The following TNKS variants were observed in gnomAD, a reference collection of about 807,000 sequenced individuals.
The protein encoded by TNKS is tankyrase.
A neutral mutation model predicts 135.8 loss-of-function variants in TNKS; 72 were observed. The observed-to-expected ratio is 0.53, with a 90% CI of 0.44 to 0.64. The LOEUF is 0.64. Among genes scored for constraint, TNKS ranks in the 30% least tolerant of loss-of-function variants. The probability of loss-of-function intolerance (pLI) is 0.00; values close to 1 mark genes in which losing one functional copy is unlikely to be tolerated. For synonymous variants in TNKS, 849 were observed against 649.3 expected (o/e 1.31, Z -4.68); for missense variants, 1,769 against 1,674.0 (o/e 1.06, Z -0.99).
intron 17 of TNKS, chr8:9,741,561 C>T: frequency 3.7e-6 from 1 of 270,906 alleles, no homozygotes; most frequent in Non-Finnish European, 8.4e-6. Flanking sequence ...AAGATGTGTT[C>T]TACTGCATTA....
At chr8:9,771,262 TGAGG>T (rs772804553) in intron 26 of TNKS, among the ~76,000 whole-genome samples, 16 of 48,430 alleles carry the variant, frequency 3.3e-4, no homozygotes, top group Non-Finnish European at 5.7e-4. Context: ...AGGAAGGAAG[TGAGG>T]GAGGAAGAGA....
intron 3 of TNKS, among the ~76,000 whole-genome samples, chr8:9,616,970 C>G (rs762655714): frequency 1.2e-4 from 18 of 152,244 alleles, no homozygotes; most frequent in Middle Eastern, 3.4e-3. Context: ...AAATACAGTG[C>G]ATAGTAACAG....
chr8:9,698,405 A>G (rs1803630900), intron 5 of TNKS, among the ~76,000 whole-genome samples: 1 of 149,614 alleles, frequency 6.7e-6, no homozygotes, highest in Non-Finnish European at 1.5e-5. Flanking sequence ...TAAGTATATA[A>G]GCAACTTAAT....
chr8:9,702,467 A>C (rs1213955418), intron 5 of TNKS, among the ~76,000 whole-genome samples: 1 of 152,188 alleles, frequency 6.6e-6, no homozygotes, highest in Non-Finnish European at 1.5e-5. Context: ...AGGGTAACAG[A>C]TTTCTAGGCT....
In TNKS at chr8:9,781,646, A is replaced by G. The variant is rs888021168; in HGVS notation, c.*4910A>G. ...TGTTTGTCTTTGATACCTACAAACT[A>G]AAAAGGTACTTTTATCAAGGTTTCT... On this transcript the variant is annotated 3_prime_UTR_variant, in exon 27 of 27. Coordinates refer to ENST00000310430, the MANE Select transcript of TNKS (RefSeq NM_003747.3). 1.3e-5 allele frequency: 2 copies of G among 152,672 alleles called. No individual in the cohort carries two copies. The highest frequency in any genetic ancestry group is 1.3e-4 in the Admixed American group (2 of 15,286). 9.5% of individuals were successfully genotyped at this position (152,672 alleles called of 1,614,324 possible).
chr8:9,689,463 C>A (rs929535671), intron 5 of TNKS, among the ~76,000 whole-genome samples: 9 of 151,890 alleles, frequency 5.9e-5, no homozygotes, highest in African/African-American at 2.2e-4. Flanking sequence ...CAGACCAATT[C>A]TAAATATAAA....
rs563848808 is a variant in TNKS at position 9,556,136 on chromosome 8, C to T, written c.197C>T (p.Pro66Leu). ...TCCCCGCGGCACGGCCTAGCGCTGCCGGAGGGGGATGGCAGTCGGGATCCG... is the reference window on the plus strand; with the variant it reads ...TCCCCGCGGCACGGCCTAGCGCTGCTGGAGGGGGATGGCAGTCGGGATCCG... ...FASPRHGLAL[P>L]EGDGSRDPPD... The change falls in exon 1 of 27, where the codon CCG becomes CTG. Residue 66 changes from proline (P) to leucine (L), a missense_variant. Physicochemically the swap from Pro to Leu is moderately conservative, Grantham distance 98. Transcript: ENST00000310430. 3 of 1,606,756 alleles carry T rather than the reference C, an allele frequency of 1.9e-6. No homozygotes were observed. Among genetic ancestry groups the T allele is most frequent in the Admixed American group, 3.3e-5 (2 of 59,734 alleles).
At chr8:9,694,740 C>T (rs1036948249) in intron 5 of TNKS, among the ~76,000 whole-genome samples, 2 of 133,842 alleles carry the variant, frequency 1.5e-5, no homozygotes, top group African/African-American at 5.7e-5. Context: ...CCAGCCTGGG[C>T]AACAGAGCGA....
chr8:9,588,818 C>G (rs1471186337), intron 2 of TNKS, among the ~76,000 whole-genome samples: 1 of 152,116 alleles, frequency 6.6e-6, no homozygotes, highest in South Asian at 2.1e-4. Flanking sequence ...CTCTAATGAG[C>G]TGCTTGGCCT....
intron 5 of TNKS, among the ~76,000 whole-genome samples, chr8:9,683,296 T>G (rs1433425483): frequency 2.0e-5 from 3 of 152,064 alleles, no homozygotes; most frequent in African/African-American, 4.8e-5. Context: ...GCTGCTAAAA[T>G]TACAAGTATC....
chr8:9,712,361 T>C (rs142183607), intron 11 of TNKS, among the ~76,000 whole-genome samples: 182 of 151,820 alleles, frequency 1.2e-3, no homozygotes, highest in African/African-American at 4.2e-3. Flanking sequence ...GCACCTATAG[T>C]CCTAGCGACT....
chr8:9,698,563 C>T (rs971434958), intron 5 of TNKS, among the ~76,000 whole-genome samples: 9 of 151,950 alleles, frequency 5.9e-5, no homozygotes, highest in South Asian at 2.1e-4. Flanking sequence ...GTTGGAAGCC[C>T]GGACGCAGAG....
At chr8:9,599,889 C>T (rs1302721726) in intron 2 of TNKS, among the ~76,000 whole-genome samples, 3 of 151,968 alleles carry the variant, frequency 2.0e-5, no homozygotes, top group Admixed American at 6.6e-5. Flanking sequence ...AAATTTCATG[C>T]CAGAGTTTGT....
Position 9,615,661 on chromosome 8 carries a change from A to G in TNKS, c.978A>G (p.Ala326=), listed in dbSNP as rs747971471. The G allele has an allele frequency of 1.2e-5, 20 of 1,612,624 alleles. No individual in the cohort carries two copies. The South Asian group carries it at 1.9e-4, about 15-fold the overall frequency. Residue 326 remains alanine (A), a synonymous_variant, in exon 3 of 27, where the codon GCA becomes GCG. Transcript: ENST00000310430. ...KSALDLADPS[A]KAVLTGEYKK... ...CCCTGGACCTGGCAGATCCTTCAGC[A>G]AAAGCTGTCCTTACAGGTAAGAAGA... is the stretch of plus-strand genomic sequence containing the variant.
At chr8:9,668,409 T>C (rs1488677744) in intron 3 of TNKS, among the ~76,000 whole-genome samples, 1 of 152,210 alleles carries the variant, frequency 6.6e-6, no homozygotes, top group African/African-American at 2.4e-5. Context: ...TGTCAAGTAT[T>C]TACAGAATTT....
chr8:9,740,765 C>G (rs1478407835), intron 17 of TNKS: 1 of 150,428 alleles, frequency 6.6e-6, no homozygotes, highest in African/African-American at 2.4e-5. Flanking sequence ...CTACCAAAGA[C>G]TTAGCATGCT....
intron 20 of TNKS, among the ~76,000 whole-genome samples, chr8:9,758,815 A>G (rs544674971): frequency 1.7e-4 from 26 of 152,342 alleles, no homozygotes; most frequent in African/African-American, 5.5e-4. Context: ...CCGCAAACTC[A>G]GCAGCTCAAA....
intron 8 of TNKS, among the ~76,000 whole-genome samples, chr8:9,707,325 A>C (rs1804095507): frequency 6.6e-6 from 1 of 152,188 alleles, no homozygotes; most frequent in Admixed American, 6.5e-5. Flanking sequence ...AGCAGTGTAC[A>C]AACCATTAAA....
intron 3 of TNKS, among the ~76,000 whole-genome samples, chr8:9,626,329 G>A (rs1021330038): frequency 6.6e-6 from 1 of 152,154 alleles, no homozygotes; most frequent in Non-Finnish European, 1.5e-5. Context: ...TATTAGTTGA[G>A]TCATTTTTTC....
Sources: gnomAD v4.1 joint callset for allele counts (sites outside exome capture counted in the v4.1 genomes callset) on GRCh38, gnomAD v4.1.1 for gene constraint, MANE v1.5 for transcripts, NCBI Gene and HGNC (gene_info 2026-07-23, HGNC 2026-07-21) for gene names.